FGF12: variants seen among roughly 807,000 people sequenced by gnomAD.
The protein encoded by FGF12 is fibroblast growth factor 12.
Under a neutral mutation model 23.6 loss-of-function variants are expected in FGF12, and 14 were observed. That is an observed-to-expected ratio of 0.59 (90% CI 0.39 to 0.93). FGF12 has a LOEUF of 0.93. Among genes scored for constraint, FGF12 ranks in the 40% least tolerant of loss-of-function variants. The probability of loss-of-function intolerance (pLI) is 0.00; values close to 1 mark genes in which losing one functional copy is unlikely to be tolerated. For synonymous variants in FGF12, 62 were observed against 77.3 expected (o/e 0.80, Z 1.04); for missense variants, 175 against 217.8 (o/e 0.80, Z 1.24).
intron 4 of FGF12, among the ~76,000 whole-genome samples, chr3:192,179,575 T>C (rs1404009213): frequency 3.3e-5 from 5 of 151,652 alleles, no homozygotes; most frequent in African/African-American, 1.2e-4. Flanking sequence ...TGAGACAGTC[T>C]TGCTCTGTCA....
intron 2 of FGF12, among the ~76,000 whole-genome samples, chr3:192,484,605 G>A (rs886215949): frequency 4.6e-5 from 7 of 152,106 alleles, no homozygotes; most frequent in Admixed American, 6.6e-5. Context: ...GTGAATGATC[G>A]GCTGTGAGAG....
At chr3:192,528,793 T>A (rs2108849887) in intron 2 of FGF12, among the ~76,000 whole-genome samples, 1 of 152,212 alleles carries the variant, frequency 6.6e-6, no homozygotes, top group Non-Finnish European at 1.5e-5. Context: ...AAGGCTTGAG[T>A]CTTGCACCCT....
chr3:192,522,199 A>G (rs201088151), intron 2 of FGF12, among the ~76,000 whole-genome samples: 110,441 of 134,302 alleles, frequency 0.82, 44,403 homozygotes, highest in Non-Finnish European at 0.89. Context: ...CTCCGTCTCA[A>G]AAAAAAAAAA....
chr3:192,387,718 A>ACAAT (rs140636487), intron 2 of FGF12, among the ~76,000 whole-genome samples: 2 of 147,488 alleles, frequency 1.4e-5, no homozygotes, highest in Admixed American at 6.8e-5. Flanking sequence ...ACACACACAC[A>ACAAT]ATATATATAT....
chr3:192,170,779 A>G, intron 4 of FGF12, 123 bp from the exon 5 acceptor site: 4 of 805,464 alleles, frequency 5.0e-6, no homozygotes, highest in Non-Finnish European at 7.8e-6. Flanking sequence ...AGGCAATGAC[A>G]CATAGTTTCT....
chr3:192,266,976 C>G (rs1713117859), intron 4 of FGF12: 1 of 152,104 alleles, frequency 6.6e-6, no homozygotes, highest in Admixed American at 6.6e-5. Context: ...AGAAATAAAT[C>G]TCTTCTCATT....
intron 2 of FGF12, among the ~76,000 whole-genome samples, chr3:192,633,606 G>C (rs1264377972): frequency 3.3e-5 from 5 of 152,032 alleles, no homozygotes; most frequent in African/African-American, 9.7e-5. Flanking sequence ...ACATTATGCT[G>C]CCCAAGTCAG....
At chr3:192,281,012 C>T (rs923861037) in intron 4 of FGF12, among the ~76,000 whole-genome samples, 2 of 152,122 alleles carry the variant, frequency 1.3e-5, no homozygotes, top group Admixed American at 6.6e-5. Context: ...ATGATGGGGC[C>T]TCAGAAATTT....
At chr3:192,166,447 T>C (rs1437537976) in intron 5 of FGF12, among the ~76,000 whole-genome samples, 4 of 152,216 alleles carry the variant, frequency 2.6e-5, no homozygotes, top group African/African-American at 9.6e-5. Flanking sequence ...ATATTGAAGT[T>C]ACATCTACAT....
At chr3:192,253,069 G>A (rs1026888706) in intron 4 of FGF12, among the ~76,000 whole-genome samples, 127 of 152,234 alleles carry the variant, frequency 8.3e-4, no homozygotes, top group Middle Eastern at 3.4e-3. Context: ...CATATAAAAT[G>A]TATCAAAAAT....
At chr3:192,210,619 C>T (rs921955489) in intron 4 of FGF12, among the ~76,000 whole-genome samples, 1 of 152,196 alleles carries the variant, frequency 6.6e-6, no homozygotes, top group African/African-American at 2.4e-5. Flanking sequence ...ATGACAATTG[C>T]AGCACTTCTG....
intron 2 of FGF12, among the ~76,000 whole-genome samples, chr3:192,598,075 T>TC (rs1425911933): frequency 6.6e-6 from 1 of 152,148 alleles, no homozygotes; most frequent in Admixed American, 6.6e-5. Flanking sequence ...ACCCACAACT[T>TC]CCCTGGTGGA....
chr3:192,307,370 A>T (rs551883603), intron 4 of FGF12, among the ~76,000 whole-genome samples: 2 of 152,346 alleles, frequency 1.3e-5, no homozygotes, highest in East Asian at 3.9e-4. Flanking sequence ...TAGGTAATGA[A>T]GTTCTAATAT....
chr3:192,161,505 TACACACACACACAC>T (rs10543146), intron 5 of FGF12, among the ~76,000 whole-genome samples: 9 of 149,586 alleles, frequency 6.0e-5, no homozygotes, highest in African/African-American at 2.0e-4. Context: ...AACGCCTATT[TACACACACACACAC>T]ACACACACAC....
chr3:192,448,226 T>C (rs1722419470), intron 2 of FGF12, among the ~76,000 whole-genome samples: 1 of 152,224 alleles, frequency 6.6e-6, no homozygotes, highest in Non-Finnish European at 1.5e-5. Context: ...CTAGTCATAC[T>C]GTTAGCATAA....
At position 192,628,442 on chromosome 3, in the gene FGF12, TACACACACACACAC is replaced by T. The variant is rs60991895; in HGVS notation, c.13+98725_13+98738del. Among the ~76,000 whole-genome samples the T allele has an allele frequency of 7.0e-3, 947 of 134,998 alleles. 11 individuals are homozygous for T. The highest frequency in any genetic ancestry group is 0.048 in the South Asian group (195 of 4,030). 88.6% of individuals were successfully genotyped at this position (134,998 alleles called of 152,430 possible). A position where few individuals can be genotyped will look rare whatever the true frequency, so the allele number is the denominator to read the frequency against. ...CAATTTTTCATTCCAACCAAAGGAA[TACACACACACACAC>T]ACACACACACACACACACACACACA... is the stretch of plus-strand genomic sequence containing the variant. On this transcript the variant is annotated intron_variant, in intron 2 of 5. Transcript: ENST00000445105.
At chr3:192,428,049 A>G (rs2108788349) in intron 2 of FGF12, among the ~76,000 whole-genome samples, 1 of 152,356 alleles carries the variant, frequency 6.6e-6, no homozygotes, top group East Asian at 1.9e-4. Flanking sequence ...AAGTTGGGTC[A>G]GGTAGAAAAT....
intron 2 of FGF12, among the ~76,000 whole-genome samples, chr3:192,556,666 T>C (rs1425912064): frequency 6.6e-6 from 1 of 152,138 alleles, no homozygotes; most frequent in East Asian, 1.9e-4. Flanking sequence ...ATTTATCAAA[T>C]GGACCTAACA....
intron 5 of FGF12, among the ~76,000 whole-genome samples, chr3:192,167,010 C>T (rs767661574): frequency 2.6e-5 from 4 of 151,312 alleles, no homozygotes; most frequent in African/African-American, 7.3e-5. Flanking sequence ...AGTAAAAACA[C>T]GATAATCTAC....
Sources: allele counts gnomAD v4.1 joint callset (sites outside exome capture counted in the v4.1 genomes callset), GRCh38; gene constraint gnomAD v4.1.1; transcripts MANE v1.5; gene names NCBI Gene and HGNC (gene_info 2026-07-23, HGNC 2026-07-21).